The following AGPAT3 variants were observed in gnomAD, a reference collection of about 807,000 sequenced individuals.
AGPAT3 encodes 1-acyl-sn-glycerol-3-phosphate acyltransferase gamma.
In AGPAT3, 5 loss-of-function variants were observed where a neutral mutation model predicts 47.3. That is an observed-to-expected ratio of 0.11 (90% CI 0.06 to 0.22). AGPAT3 has a LOEUF of 0.22. Among genes scored for constraint, AGPAT3 ranks in the 10% least tolerant of loss-of-function variants. The pLI is 1.00. For synonymous variants in AGPAT3, 212 were observed against 208.3 expected, an observed-to-expected ratio of 1.02 and a Z score of -0.15; for missense variants, 315 against 493.0, an observed-to-expected ratio of 0.64 and a Z score of 3.42.
intron 1 of AGPAT3, chr21:43,866,814 T>TCACC (rs1170251969): frequency 2.0e-5 from 3 of 152,364 alleles, no homozygotes; most frequent in African/African-American, 7.2e-5. Context: ...CCCTCTGTGG[T>TCACC]CACCCTACCT....
chr21:43,962,055 C>T (rs1055134173), intron 3 of AGPAT3, among the ~76,000 whole-genome samples: 1 of 149,690 alleles, frequency 6.7e-6, no homozygotes, highest in Non-Finnish European at 1.5e-5. Flanking sequence ...GGCTGGAGTG[C>T]AGTGGTGCGA....
chr21:43,885,384 CTTTT>C (rs2085951913), intron 1 of AGPAT3, among the ~76,000 whole-genome samples: 1 of 148,276 alleles, frequency 6.7e-6, no homozygotes, highest in Non-Finnish European at 1.5e-5. Flanking sequence ...GCCAGTTTTT[CTTTT>C]TTCTTTTTTT....
At chr21:43,892,452 C>T (rs780099504) in intron 1 of AGPAT3, among the ~76,000 whole-genome samples, 1 of 152,146 alleles carries the variant, frequency 6.6e-6, no homozygotes, top group East Asian at 1.9e-4. Flanking sequence ...TGGCAATGAA[C>T]AGTAATTTTT....
At chr21:43,962,774 C>T (rs532964451) in intron 3 of AGPAT3, among the ~76,000 whole-genome samples, 25 of 152,270 alleles carry the variant, frequency 1.6e-4, no homozygotes, top group African/African-American at 5.5e-4. Flanking sequence ...CAGAGGCAAA[C>T]GAAAGTACAC....
At chr21:43,975,643 G>A (rs57153609) in intron 7 of AGPAT3, among the ~76,000 whole-genome samples, 126 of 152,368 alleles carry the variant, frequency 8.3e-4, no homozygotes, top group African/African-American at 2.6e-3. Context: ...TCTGAGGTGC[G>A]TCGTCGCCCC....
rs1311409101 is a variant in AGPAT3 at position 43,932,090 on chromosome 21, C to T, written c.-48-27544C>T. On this transcript the variant is annotated intron_variant, in intron 2 of 9. Coordinates refer to ENST00000291572, the MANE Select transcript of AGPAT3 (RefSeq NM_020132.5). This position sits in a 1 kb window ranked among gnomAD's most constrained non-coding sequence, Gnocchi z 5.2. ...TAATTAAGCTAATTAACATAGCTAT[C>T]AGCTCACCAACATCGTTTTTGGTGG... Among the ~76,000 whole-genome samples the T allele has an allele frequency of 6.6e-6, 1 of 152,120 alleles. No individual in the cohort carries two copies. Among genetic ancestry groups the T allele is most frequent in the African/African-American group, 2.4e-5 (1 of 41,404 alleles).
intron 2 of AGPAT3, among the ~76,000 whole-genome samples, chr21:43,917,079 C>A (rs1205953450): frequency 6.6e-6 from 1 of 152,216 alleles, no homozygotes; most frequent in African/African-American, 2.4e-5. Context: ...CTCCCGGGCA[C>A]CCTGCGGGCA....
intron 2 of AGPAT3, among the ~76,000 whole-genome samples, chr21:43,912,416 G>A (rs139665194): frequency 6.6e-6 from 1 of 152,376 alleles, no homozygotes; most frequent in Non-Finnish European, 1.5e-5. Context: ...GGCAGCCCCC[G>A]TGGGCACCAG....
intron 1 of AGPAT3, among the ~76,000 whole-genome samples, chr21:43,865,835 AC>A (rs1015211805): frequency 3.1e-4 from 47 of 149,588 alleles, no homozygotes; most frequent in South Asian, 2.1e-3. Flanking sequence ...CGGACCCGGG[AC>A]CCCCCCCAGG....
intron 2 of AGPAT3, among the ~76,000 whole-genome samples, chr21:43,918,220 C>T (rs1429730087): frequency 7.2e-6 from 1 of 138,782 alleles, no homozygotes; most frequent in African/African-American, 2.7e-5. Context: ...GGTGTTGCGG[C>T]GGTTGTGGGT....
intron 1 of AGPAT3, among the ~76,000 whole-genome samples, chr21:43,898,883 C>A (rs1353841799): frequency 7.6e-6 from 1 of 132,194 alleles, no homozygotes; most frequent in Non-Finnish European, 1.7e-5. Flanking sequence ...TGGATTATTA[C>A]TGTTTTTTTT....
chr21:43,922,049 G>A lies in AGPAT3; in HGVS notation c.-49+18030G>A, dbSNP rs530403437. Reference sequence around the variant, plus strand: ...AGGTTTAGCAAATACTTGATAGATTGTTGTGAGAATGTGGGCTTCCTTATT... The same window carrying A: ...AGGTTTAGCAAATACTTGATAGATTATTGTGAGAATGTGGGCTTCCTTATT... On this transcript the variant is annotated intron_variant, in intron 2 of 9. Coordinates refer to ENST00000291572, the MANE Select transcript of AGPAT3 (RefSeq NM_020132.5). The surrounding 1 kb of genome is among the most constrained non-coding windows in gnomAD (Gnocchi z 4.9). Among the ~76,000 whole-genome samples the A allele has an allele frequency of 2.0e-5, 3 of 152,294 alleles. No individual in the cohort carries two copies. The highest frequency in any genetic ancestry group is 4.4e-5 in the Non-Finnish European group (3 of 68,028).
intron 2 of AGPAT3, among the ~76,000 whole-genome samples, chr21:43,940,036 T>C (rs1341408259): frequency 6.6e-6 from 1 of 152,234 alleles, no homozygotes; most frequent in Non-Finnish European, 1.5e-5. Context: ...AGGACAGTGC[T>C]GGCCACGCAG....
chr21:43,941,681 C>G (rs2087660421), intron 2 of AGPAT3, among the ~76,000 whole-genome samples: 1 of 152,270 alleles, frequency 6.6e-6, no homozygotes, highest in African/African-American at 2.4e-5. Context: ...CTCACTCATC[C>G]TCAACCTGGG....
At chr21:43,959,375 GGT>G (rs1170031659) in intron 2 of AGPAT3, among the ~76,000 whole-genome samples, 10 of 143,298 alleles carry the variant, frequency 7.0e-5, no homozygotes, top group Middle Eastern at 8.3e-3. Context: ...TGTGGTTTGT[GGT>G]GTGTGTGTGA....
chr21:43,971,628 C>G, intron 7 of AGPAT3, 138 bp downstream of exon 7: 1 of 748,420 alleles, frequency 1.3e-6, no homozygotes, highest in South Asian at 1.7e-5. Context: ...GAAGGCCTGT[C>G]TGCAGCCCTG....
intron 3 of AGPAT3, among the ~76,000 whole-genome samples, chr21:43,961,741 T>TGAGC (rs1414949126): frequency 4.6e-5 from 7 of 152,070 alleles, no homozygotes; most frequent in Non-Finnish European, 7.4e-5. Flanking sequence ...TGGAAAACGG[T>TGAGC]GAGCGCGTAT....
At chr21:43,940,533 A>T (rs1416692242) in intron 2 of AGPAT3, among the ~76,000 whole-genome samples, 4 of 152,336 alleles carry the variant, frequency 2.6e-5, no homozygotes, top group East Asian at 3.9e-4. Context: ...CAGCTCTCCC[A>T]TCCTTCTGCA....
At chr21:43,891,763 ACTT>A (rs1470176157) in intron 1 of AGPAT3, among the ~76,000 whole-genome samples, 2 of 152,132 alleles carry the variant, frequency 1.3e-5, no homozygotes, top group East Asian at 1.9e-4. Context: ...TTCTGCAGTG[ACTT>A]CTTCTGCTGA....
Sources: gnomAD v4.1 joint callset for allele counts (sites outside exome capture counted in the v4.1 genomes callset) on GRCh38, gnomAD v4.1.1 for gene constraint, Gnocchi (gnomAD v3.1) non-coding constraint, MANE v1.5 for transcripts, NCBI Gene and HGNC (gene_info 2026-07-23, HGNC 2026-07-21) for gene names.